The following SOBP variants were observed in gnomAD, a reference collection of about 807,000 sequenced individuals.
The protein encoded by SOBP is sine oculis binding protein homolog, also known as sine oculis-binding protein homolog.
SOBP carries 4 observed loss-of-function variants against 53.6 expected under a neutral mutation model. The observed-to-expected ratio is 0.07, with a 90% CI of 0.04 to 0.17. The LOEUF (loss-of-function observed/expected upper bound fraction) is 0.17, where lower values mean the gene tolerates loss of function less well. SOBP is among the 10% of genes least tolerant of loss of function. The probability of loss-of-function intolerance (pLI) is 1.00; values close to 1 mark genes in which losing one functional copy is unlikely to be tolerated. For synonymous variants in SOBP, 584 were observed against 522.6 expected, an observed-to-expected ratio of 1.12 and a Z score of -1.60; for missense variants, 1,088 against 1,204.7, an observed-to-expected ratio of 0.90 and a Z score of 1.43.
chr6:107,652,184 T>C (rs538625155), intron 6 of SOBP, among the ~76,000 whole-genome samples: 1 of 152,272 alleles, frequency 6.6e-6, no homozygotes, highest in South Asian at 2.1e-4. Flanking sequence ...CTCTAACAGA[T>C]TTGGGCAAAG....
At chr6:107,561,709 TATG>T (rs1394271651) in intron 4 of SOBP, among the ~76,000 whole-genome samples, 1 of 152,236 alleles carries the variant, frequency 6.6e-6, no homozygotes, top group Admixed American at 6.5e-5. Context: ...CAAGACAAAT[TATG>T]ATATTTTCTG....
intron 4 of SOBP, among the ~76,000 whole-genome samples, chr6:107,584,562 G>T (rs190249366): frequency 6.6e-6 from 1 of 152,120 alleles, no homozygotes; most frequent in Admixed American, 6.5e-5. Flanking sequence ...CTGGAGTCAG[G>T]GTGGGTGTTA....
At chr6:107,490,919 A>T (rs543813164) in intron 1 of SOBP, among the ~76,000 whole-genome samples, 4 of 152,120 alleles carry the variant, frequency 2.6e-5, no homozygotes, top group Admixed American at 2.6e-4. Context: ...AGATTTGATG[A>T]GGGGGGACCA....
At chr6:107,645,593 C>T (rs1019600316) in intron 6 of SOBP, among the ~76,000 whole-genome samples, 6 of 151,896 alleles carry the variant, frequency 4.0e-5, no homozygotes, top group Non-Finnish European at 7.4e-5. Flanking sequence ...TGATGTGACA[C>T]TGCAGACAGT....
chr6:107,600,451 T>C (rs1444132119), intron 5 of SOBP, among the ~76,000 whole-genome samples: 1 of 152,210 alleles, frequency 6.6e-6, no homozygotes, highest in African/African-American at 2.4e-5. Flanking sequence ...AAGGATTACT[T>C]TTTAGATGAT....
At chr6:107,578,092 AAAAGAAG>A (rs1785291565) in intron 4 of SOBP, among the ~76,000 whole-genome samples, 1 of 145,684 alleles carries the variant, frequency 6.9e-6, no homozygotes, top group African/African-American at 2.5e-5. Context: ...AAAAAAAAAA[AAAAGAAG>A]AAGTTCGTTT....
chr6:107,515,387 C>G (rs1325202274), intron 3 of SOBP, among the ~76,000 whole-genome samples: 1 of 152,204 alleles, frequency 6.6e-6, no homozygotes, highest in Non-Finnish European at 1.5e-5. Context: ...TAACATTGAT[C>G]ACATTACATG....
chr6:107,660,960 C>T lies in SOBP; in HGVS notation c.*2757C>T, dbSNP rs1257660119. 4.6e-5 allele frequency among the ~76,000 whole-genome samples: 7 copies of T among 152,152 alleles called. No individual in the cohort carries two copies. The highest frequency in any genetic ancestry group is 7.2e-5 in the African/African-American group (3 of 41,424). On this transcript the variant is annotated 3_prime_UTR_variant, in exon 7 of 7. Transcript: ENST00000317357. ...TCCTGGTGCAGAGTTATATTTATGG[C>T]GGTGACTCCGTCTGAACTCTGCCGA...
chr6:107,506,096 C>G (rs911707688), intron 2 of SOBP, 146 bp from the exon 3 acceptor site: 7 of 700,838 alleles, frequency 1.0e-5, no homozygotes, highest in Non-Finnish European at 1.4e-5. Flanking sequence ...CCTGGATGAA[C>G]TGTGGAGTTC....
At chr6:107,520,612 A>G (rs1783455306) in intron 3 of SOBP, among the ~76,000 whole-genome samples, 1 of 152,236 alleles carries the variant, frequency 6.6e-6, no homozygotes, top group African/African-American at 2.4e-5. Context: ...CAGGTCAACA[A>G]GGAGCTAAGA....
At chr6:107,646,232 A>G (rs1210895900) in intron 6 of SOBP, among the ~76,000 whole-genome samples, 2 of 152,266 alleles carry the variant, frequency 1.3e-5, no homozygotes, top group Non-Finnish European at 2.9e-5. Context: ...TGGGTTAAGT[A>G]TGGAAAGCCA....
At chr6:107,617,973 A>G (rs847017) in intron 5 of SOBP, among the ~76,000 whole-genome samples, 121,949 of 151,676 alleles carry the variant, frequency 0.8, 49,571 homozygotes, top group Admixed American at 0.87. Context: ...GACTACAGGC[A>G]CCCGCCACCA....
chr6:107,640,435 G>A (rs1771258177), intron 6 of SOBP, among the ~76,000 whole-genome samples: 1 of 152,206 alleles, frequency 6.6e-6, no homozygotes, highest in South Asian at 2.1e-4. Flanking sequence ...TAGCTTGTCT[G>A]TTGGGATGCA....
At chr6:107,588,575 C>G (rs1159151303) in intron 5 of SOBP, among the ~76,000 whole-genome samples, 2 of 152,062 alleles carry the variant, frequency 1.3e-5, no homozygotes, top group Non-Finnish European at 2.9e-5. Context: ...CCACAGAGGC[C>G]CTTATGCTGT....
Position 107,633,570 on chromosome 6 carries a change from C to T in SOBP, c.726C>T (p.Asp242=), listed in dbSNP as rs1024041654. Residue 242 remains aspartate (D), a synonymous_variant, in exon 6 of 7, where the codon GAC becomes GAT. Coordinates refer to ENST00000317357, the MANE Select transcript of SOBP (RefSeq NM_018013.4). ...CAAAAGAATACCTGGATTTTGGGGA[C>T]GGGGAAAGAAGGCTTCAGTTCTGCA... ...RHTKEYLDFG[D]GERRLQFCSA... 1 of 1,614,028 alleles carries T rather than the reference C, an allele frequency of 6.2e-7. No individual in the cohort carries two copies. Among genetic ancestry groups the T allele is most frequent in the Non-Finnish European group, 8.5e-7 (1 of 1,180,042 alleles).
chr6:107,572,217 G>T (rs1785093019), intron 4 of SOBP, among the ~76,000 whole-genome samples: 1 of 151,666 alleles, frequency 6.6e-6, no homozygotes, highest in Non-Finnish European at 1.5e-5. Context: ...CTAAAATGAA[G>T]GAGGACCTAA....
chr6:107,604,269 A>G (rs1786287125), intron 5 of SOBP, among the ~76,000 whole-genome samples: 2 of 152,198 alleles, frequency 1.3e-5, no homozygotes, highest in South Asian at 2.1e-4. Context: ...TCTAAGCAGT[A>G]TGGACTGTTT....
chr6:107,628,812 G>T (rs1164664362), intron 5 of SOBP, among the ~76,000 whole-genome samples: 2 of 152,214 alleles, frequency 1.3e-5, no homozygotes, highest in African/African-American at 4.8e-5. Flanking sequence ...AGACCCAAAG[G>T]AACAGTTGAT....
intron 3 of SOBP, among the ~76,000 whole-genome samples, chr6:107,512,482 A>G (rs1783198299): frequency 6.6e-6 from 1 of 152,236 alleles, no homozygotes; most frequent in Admixed American, 6.5e-5. Context: ...TAAAGCACTC[A>G]GAAGGGATTT....
Sources: gnomAD v4.1 joint callset for allele counts (sites outside exome capture counted in the v4.1 genomes callset) on GRCh38, gnomAD v4.1.1 for gene constraint, MANE v1.5 for transcripts, NCBI Gene and HGNC (gene_info 2026-07-23, HGNC 2026-07-21) for gene names.